The following TMEM135 variants were observed in gnomAD, a reference collection of about 807,000 sequenced individuals.
TMEM135 encodes transmembrane protein 135.
TMEM135 carries 30 observed loss-of-function variants against 60.3 expected under a neutral mutation model. The ratio of observed to expected loss-of-function variants is 0.50; its 90% CI spans 0.37 to 0.68. The LOEUF (loss-of-function observed/expected upper bound fraction) is 0.68, where lower values mean the gene tolerates loss of function less well. Among genes scored for constraint, TMEM135 ranks in the 30% least tolerant of loss-of-function variants. TMEM135 has a pLI of 0.00. For synonymous variants in TMEM135, 190 were observed against 186.7 expected (o/e 1.02, Z -0.14); for missense variants, 468 against 548.8 (o/e 0.85, Z 1.47).
intron 6 of TMEM135, among the ~76,000 whole-genome samples, chr11:87,262,223 G>A (rs898276965): frequency 2.0e-5 from 3 of 152,068 alleles, no homozygotes; most frequent in African/African-American, 7.2e-5. Flanking sequence ...CTAAATTTAT[G>A]TTACTGTTTA....
At position 87,325,530 on chromosome 11, in the gene TMEM135, C is replaced by T. The variant is rs954794956; in HGVS notation, c.*4197C>T. On this transcript the variant is annotated 3_prime_UTR_variant, in exon 15 of 15. Transcript: ENST00000305494. ...TCTCTCTCTCTCTCTGTCTGTCTCT[C>T]TTGCTGCTCCCTCTCCCTGCCACCT... 1 of 453,916 alleles carries T rather than the reference C, an allele frequency of 2.2e-6. No individual in the cohort carries two copies. The highest frequency in any genetic ancestry group is 2.0e-5 in the African/African-American group (1 of 50,078). 28.1% of individuals were successfully genotyped at this position (453,916 alleles called of 1,614,324 possible).
At chr11:87,216,881 A>T (rs1445999546) in intron 5 of TMEM135, among the ~76,000 whole-genome samples, 1 of 152,206 alleles carries the variant, frequency 6.6e-6, no homozygotes, top group Non-Finnish European at 1.5e-5. Context: ...TTAGAGCATC[A>T]ATTACACAAG....
Position 87,060,919 on chromosome 11 carries a change from G to A in TMEM135, c.142-6775G>A, listed in dbSNP as rs1472225585. On this transcript the variant is annotated intron_variant, in intron 1 of 14. Transcript: ENST00000305494. ...GGCCTCCCAAAGTGCTGGGATTACA[G>A]GTGTGAGCCACCGCACCCGGCCTGT... Among the ~76,000 whole-genome samples the A allele has an allele frequency of 2.6e-5, 4 of 152,074 alleles. No individual in the cohort carries two copies. In the East Asian group the frequency reaches 7.7e-4, roughly 29 times the overall value.
chr11:87,316,585 A>G (rs1405990293), intron 12 of TMEM135, among the ~76,000 whole-genome samples: 1 of 152,068 alleles, frequency 6.6e-6, no homozygotes, highest in Admixed American at 6.6e-5. Flanking sequence ...GGATGATAGC[A>G]GTAGAGATGG....
intron 5 of TMEM135, among the ~76,000 whole-genome samples, chr11:87,210,813 G>T (rs1940351417): frequency 6.6e-6 from 1 of 152,076 alleles, no homozygotes; most frequent in African/African-American, 2.4e-5. Flanking sequence ...GATTAAATAG[G>T]CTGCTGCCTG....
intron 6 of TMEM135, among the ~76,000 whole-genome samples, chr11:87,263,759 A>T (rs1485367206): frequency 1.3e-5 from 2 of 152,080 alleles, no homozygotes; most frequent in Non-Finnish European, 2.9e-5. Context: ...AACGTGAAAA[A>T]TTTTTGTAGC....
intron 1 of TMEM135, among the ~76,000 whole-genome samples, chr11:87,041,188 A>G (rs1301692732): frequency 6.6e-6 from 1 of 152,062 alleles, no homozygotes; most frequent in East Asian, 1.9e-4. Context: ...CCAGCTTATT[A>G]TCCCCATTTT....
chr11:87,254,937 C>T (rs888716979), intron 6 of TMEM135, among the ~76,000 whole-genome samples: 2 of 151,920 alleles, frequency 1.3e-5, no homozygotes, highest in East Asian at 1.9e-4. Context: ...CCCAGGGGTT[C>T]GATACCAGCT....
intron 6 of TMEM135, among the ~76,000 whole-genome samples, chr11:87,248,033 A>G (rs917728751): frequency 3.7e-4 from 7 of 19,144 alleles, no homozygotes; most frequent in Non-Finnish European, 1.0e-3. Flanking sequence ...AAAAAAAAAA[A>G]AAAAGAAAAT....
chr11:87,303,650 C>G (rs1324151135), intron 8 of TMEM135, among the ~76,000 whole-genome samples: 2 of 152,152 alleles, frequency 1.3e-5, no homozygotes, highest in African/African-American at 4.8e-5. Flanking sequence ...AGGGAGCGTA[C>G]TCAAATTTTT....
At chr11:87,092,614 T>C (rs1857234041) in intron 4 of TMEM135, among the ~76,000 whole-genome samples, 1 of 152,176 alleles carries the variant, frequency 6.6e-6, no homozygotes, top group Non-Finnish European at 1.5e-5. Context: ...AGGATTTCTT[T>C]TTGGCATTAT....
chr11:87,171,338 G>GTTTT (rs199500975), intron 5 of TMEM135, among the ~76,000 whole-genome samples: 1 of 115,882 alleles, frequency 8.6e-6, no homozygotes. Flanking sequence ...ACAGTGTAGT[G>GTTTT]TTTTTTTTTT....
intron 2 of TMEM135, among the ~76,000 whole-genome samples, chr11:87,070,283 C>G (rs913638528): frequency 6.6e-5 from 10 of 152,068 alleles, no homozygotes; most frequent in African/African-American, 2.4e-4. Flanking sequence ...TTTTTACTTG[C>G]TACTTCTCCC....
At chr11:87,191,650 C>T (rs1258723135) in intron 5 of TMEM135, among the ~76,000 whole-genome samples, 4 of 152,082 alleles carry the variant, frequency 2.6e-5, no homozygotes, top group East Asian at 1.9e-4. Context: ...TTTAAAACCA[C>T]GATGATCATC....
rs140855733 is a variant in TMEM135 at position 87,102,945 on chromosome 11, C to T, written c.396+11550C>T. ...ACTTATCATCACAACCCCCTCTTCCCTTGGGCTCTGTTAACTGCCATTCTA... is the reference window on the plus strand; with the variant it reads ...ACTTATCATCACAACCCCCTCTTCCTTTGGGCTCTGTTAACTGCCATTCTA... On this transcript the variant is annotated intron_variant, in intron 4 of 14. Coordinates refer to ENST00000305494, the MANE Select transcript of TMEM135 (RefSeq NM_022918.4). Among the ~76,000 whole-genome samples, 409 of 152,100 alleles carry T rather than the reference C, an allele frequency of 2.7e-3. 1 individual carries two copies. The highest frequency in any genetic ancestry group is 9.4e-3 in the African/African-American group (392 of 41,514).
At chr11:87,304,383 A>G in intron 8 of TMEM135, among the ~76,000 whole-genome samples, 1 of 151,978 alleles carries the variant, frequency 6.6e-6, no homozygotes, top group Non-Finnish European at 1.5e-5. Context: ...CCCATCACTT[A>G]GAAAAAAAAA....
At chr11:87,169,506 A>G (rs1029033673) in intron 5 of TMEM135, among the ~76,000 whole-genome samples, 4 of 151,852 alleles carry the variant, frequency 2.6e-5, no homozygotes, top group South Asian at 2.1e-4. Flanking sequence ...GGTGGTGACA[A>G]AATCTCTTAG....
At chr11:87,129,377 G>T (rs1937840801) in intron 4 of TMEM135, among the ~76,000 whole-genome samples, 1 of 151,008 alleles carries the variant, frequency 6.6e-6, no homozygotes, top group Non-Finnish European at 1.5e-5. Context: ...CTAATAGCTG[G>T]GACTACAGTC....
At chr11:87,319,258 C>G (rs779496869) in intron 13 of TMEM135, 52 bp from the exon 14 acceptor site, 119 of 1,419,056 alleles carry the variant, frequency 8.4e-5, no homozygotes, top group Non-Finnish European at 1.1e-4. Flanking sequence ...TATTTCATCA[C>G]TTTCAGTTTT....
Sources: gnomAD v4.1 joint callset for allele counts (sites outside exome capture counted in the v4.1 genomes callset) on GRCh38, gnomAD v4.1.1 for gene constraint, MANE v1.5 for transcripts, NCBI Gene and HGNC (gene_info 2026-07-23, HGNC 2026-07-21) for gene names.